The following HYAL4 variants were observed in gnomAD, a reference collection of about 807,000 sequenced individuals.
The protein encoded by HYAL4 is hyaluronidase 4, also known as hyaluronidase-4.
Under a neutral mutation model 35.2 loss-of-function variants are expected in HYAL4, and 37 were observed. The observed-to-expected ratio is 1.05, with a 90% CI of 0.81 to 1.38. HYAL4 has a LOEUF of 1.38. HYAL4 is among the 40% of genes most tolerant of loss of function. The pLI is 0.00. For synonymous variants in HYAL4, 198 were observed against 203.2 expected, an observed-to-expected ratio of 0.97 and a Z score of 0.22; for missense variants, 572 against 572.4, an observed-to-expected ratio of 1.00 and a Z score of 0.01.
At chr7:123,876,703 C>T in intron 4 of HYAL4, 51 bp from the exon 5 acceptor site, 1 of 1,552,900 alleles carries the variant, frequency 6.4e-7, no homozygotes, top group Non-Finnish European at 8.8e-7. Flanking sequence ...TTTCTTTGTA[C>T]ATTTCTACCA....
At chr7:123,857,600 A>G (rs2116939235) in intron 2 of HYAL4, among the ~76,000 whole-genome samples, 1 of 151,990 alleles carries the variant, frequency 6.6e-6, no homozygotes, top group East Asian at 1.9e-4. Context: ...TCTCACTGGG[A>G]GCTGCAGACC....
chr7:123,829,404 A>G (rs1292201789), intron 1 of HYAL4, among the ~76,000 whole-genome samples: 3 of 152,138 alleles, frequency 2.0e-5, no homozygotes, highest in East Asian at 1.9e-4. Flanking sequence ...TGAAATACCA[A>G]ACAGTAGCAA....
chr7:123,828,427 TACAC>T (rs34327472), upstream of HYAL4, among the ~76,000 whole-genome samples: 818 of 141,408 alleles, frequency 5.8e-3, 9 homozygotes, highest in Admixed American at 0.02. Flanking sequence ...TGTTCATAAT[TACAC>T]ACACACACAC....
chr7:123,854,596 T>C (rs1395713268), intron 2 of HYAL4, among the ~76,000 whole-genome samples: 1 of 152,238 alleles, frequency 6.6e-6, no homozygotes, highest in African/African-American at 2.4e-5. Flanking sequence ...CTGTTTCTTA[T>C]GATTTATGTT....
chr7:123,768,703 C>A, the HYAL4 span, among the ~76,000 whole-genome samples: 8 of 152,168 alleles, frequency 5.3e-5, no homozygotes, highest in Non-Finnish European at 1.0e-4. Flanking sequence ...CAATCTTTGA[C>A]CAGGTGAACA....
At chr7:123,777,506 T>C in the HYAL4 span, among the ~76,000 whole-genome samples, 3 of 152,168 alleles carry the variant, frequency 2.0e-5, no homozygotes, top group Non-Finnish European at 2.9e-5. Context: ...AACATTTAAG[T>C]GCTAAATCAT....
chr7:123,825,824 A>G (rs17146411), upstream of HYAL4, among the ~76,000 whole-genome samples: 17,228 of 151,950 alleles, frequency 0.11, 1,117 homozygotes, highest in Non-Finnish European at 0.14. Flanking sequence ...TATCAATTCA[A>G]TTTTCTAATT....
chr7:123,822,469 C>T, the HYAL4 span, among the ~76,000 whole-genome samples: 1 of 152,032 alleles, frequency 6.6e-6, no homozygotes, highest in Non-Finnish European at 1.5e-5. Flanking sequence ...GGAAATTCAA[C>T]TAATTTTTGT....
At chr7:123,860,490 GAC>G (rs1244098952) in intron 2 of HYAL4, among the ~76,000 whole-genome samples, 1 of 152,138 alleles carries the variant, frequency 6.6e-6, no homozygotes, top group East Asian at 1.9e-4. Context: ...CTTGTGTACA[GAC>G]ACACATGTAA....
chr7:123,809,359 G>A, the HYAL4 span, among the ~76,000 whole-genome samples: 1 of 150,750 alleles, frequency 6.6e-6, no homozygotes, highest in African/African-American at 2.4e-5. Flanking sequence ...TGCTTCCCTT[G>A]CAGCAGTATT....
chr7:123,801,852 A>C, the HYAL4 span, among the ~76,000 whole-genome samples: 26 of 152,342 alleles, frequency 1.7e-4, no homozygotes, highest in East Asian at 4.4e-3. Context: ...TTATCACACG[A>C]GGGCAACAGG....
chr7:123,801,209 A>C, the HYAL4 span, among the ~76,000 whole-genome samples: 1 of 152,256 alleles, frequency 6.6e-6, no homozygotes, highest in South Asian at 2.1e-4. Flanking sequence ...TATTCATATT[A>C]TTTCTCATTC....
At chr7:123,778,655 G>A in the HYAL4 span, among the ~76,000 whole-genome samples, 5 of 152,020 alleles carry the variant, frequency 3.3e-5, no homozygotes, top group African/African-American at 7.3e-5. Flanking sequence ...GATCTCGGGC[G>A]CCACATCAAG....
At chr7:123,795,340 T>C in the HYAL4 span, among the ~76,000 whole-genome samples, 9 of 152,170 alleles carry the variant, frequency 5.9e-5, no homozygotes, top group African/African-American at 2.2e-4. Context: ...TGGGAAACTG[T>C]TGGAAGGGCA....
At chr7:123,771,457 CA>C in the HYAL4 span, among the ~76,000 whole-genome samples, 2 of 152,128 alleles carry the variant, frequency 1.3e-5, 1 homozygote, top group Admixed American at 1.3e-4. Context: ...AGCTTCTACC[CA>C]CTAGATGCCA....
the HYAL4 span, among the ~76,000 whole-genome samples, chr7:123,774,818 T>C: frequency 6.6e-6 from 1 of 152,198 alleles, no homozygotes; most frequent in African/African-American, 2.4e-5. Context: ...ATATACTTTA[T>C]CTCTCACCTT....
chr7:123,815,389 A>G, the HYAL4 span, among the ~76,000 whole-genome samples: 2 of 152,206 alleles, frequency 1.3e-5, no homozygotes, highest in Non-Finnish European at 1.5e-5. Flanking sequence ...CAATTTTCCA[A>G]ATCAAAAACG....
At chr7:123,796,367 T>A in the HYAL4 span, among the ~76,000 whole-genome samples, 16 of 152,330 alleles carry the variant, frequency 1.1e-4, no homozygotes, top group South Asian at 1.7e-3. Context: ...TAAAGAAACA[T>A]TTACGTGGTG....
intron 2 of HYAL4, among the ~76,000 whole-genome samples, chr7:123,855,969 C>T (rs1435077404): frequency 7.3e-5 from 11 of 151,580 alleles, no homozygotes; most frequent in Non-Finnish European, 1.2e-4. Flanking sequence ...CTCTGATATC[C>T]TTTCTTCTGC....
Sources: gnomAD v4.1 joint callset for allele counts (sites outside exome capture counted in the v4.1 genomes callset) on GRCh38, gnomAD v4.1.1 for gene constraint, MANE v1.5 for transcripts, NCBI Gene and HGNC (gene_info 2026-07-23, HGNC 2026-07-21) for gene names.